GFRA2: variants seen among roughly 807,000 people sequenced by gnomAD.
GFRA2 encodes the protein GDNF family receptor alpha-2.
A neutral mutation model predicts 48.3 loss-of-function variants in GFRA2; 17 were observed. The observed-to-expected ratio is 0.35, with a 90% CI of 0.24 to 0.53. The LOEUF is 0.53. GFRA2 is among the 20% of genes least tolerant of loss of function. The pLI, the probability that GFRA2 is intolerant of heterozygous loss-of-function variation, is 0.93. For missense variants in GFRA2, 660 were observed against 637.3 expected (o/e 1.04, Z -0.38); for synonymous variants, 305 against 257.2 (o/e 1.19, Z -1.78).
At chr8:21,793,268 G>A (rs1807609037), upstream of GFRA2, among the ~76,000 whole-genome samples, 1 of 152,146 alleles carries the variant, frequency 6.6e-6, no homozygotes, top group Non-Finnish European at 1.5e-5. Flanking sequence ...AATGTTTTAG[G>A]AAGATTGATC....
chr8:21,710,434 G>A (rs745461333), intron 4 of GFRA2, among the ~76,000 whole-genome samples: 1 of 152,178 alleles, frequency 6.6e-6, no homozygotes. Context: ...GGTGGATCTC[G>A]GTCCCACACA....
At chr8:21,797,287 C>CTTTTTTTTTTTTTTTTTTTTTTTTTCT (rs1159867192) in intron 2 of GFRA2, among the ~76,000 whole-genome samples, 1 of 85,646 alleles carries the variant, frequency 1.2e-5, no homozygotes, top group African/African-American at 4.8e-5. Context: ...CCTTTCTTTG[C>CTTTTTTTTTTTTTTTTTTTTTTTTTCT]TTTTTTTTTT....
chr8:21,756,798 T>C (rs1394059034), intron 3 of GFRA2, among the ~76,000 whole-genome samples: 2 of 152,112 alleles, frequency 1.3e-5, no homozygotes, highest in Non-Finnish European at 2.9e-5. Context: ...CCCGATCCCC[T>C]GCACTGAGAG....
chr8:21,806,748 C>G (rs6988714), intron 1 of GFRA2, among the ~76,000 whole-genome samples: 23,032 of 152,168 alleles, frequency 0.15, 2,619 homozygotes, highest in East Asian at 0.36. Flanking sequence ...ATTACAGGTA[C>G]AAGCCACCAT....
At chr8:21,812,030 C>G (rs1005462945) in intron 1 of GFRA2, among the ~76,000 whole-genome samples, 2 of 152,172 alleles carry the variant, frequency 1.3e-5, no homozygotes, top group Non-Finnish European at 2.9e-5. Flanking sequence ...TCCCGCACTC[C>G]CCCCAGCCCC....
intron 4 of GFRA2, among the ~76,000 whole-genome samples, chr8:21,711,882 T>A (rs368463477): frequency 1.3e-5 from 2 of 152,272 alleles, no homozygotes; most frequent in African/African-American, 4.8e-5. Context: ...TGGTGATGAC[T>A]CTTAAAGAGC....
rs577358995 is a variant in GFRA2 at position 21,750,449 on chromosome 8, G to A, written c.794+139C>T. On this transcript the variant is annotated intron_variant, in intron 4 of 8. Coordinates refer to ENST00000524240, the MANE Select transcript of GFRA2 (RefSeq NM_001495.5). This position sits in a 1 kb window ranked among gnomAD's most constrained non-coding sequence, Gnocchi z 5.7. ...ATTCATTTTGCACATGTCCAAGTCA[G>A]TTTTACCCTTTTTGACACCCTTTCT... 4 of 601,526 alleles carry A rather than the reference G, an allele frequency of 6.6e-6. No homozygotes were observed. The African/African-American group carries it at 7.4e-5, about 11-fold the overall frequency. The allele number at this position is 601,526 out of a possible 1,614,324, so 37.3% of individuals were successfully genotyped here.
At chr8:21,744,520 T>A (rs192405804) in intron 4 of GFRA2, among the ~76,000 whole-genome samples, 4 of 140,472 alleles carry the variant, frequency 2.8e-5, no homozygotes, top group Non-Finnish European at 6.0e-5. Context: ...AACAACAGAA[T>A]CATCCTCCCA....
At chr8:21,802,224 C>T (rs1199158185) in intron 2 of GFRA2, among the ~76,000 whole-genome samples, 4 of 152,258 alleles carry the variant, frequency 2.6e-5, no homozygotes, top group Non-Finnish European at 4.4e-5. Context: ...CTAAATCTGG[C>T]TGTGCCTTGG....
At chr8:21,740,979 T>G (rs554345893) in intron 4 of GFRA2, among the ~76,000 whole-genome samples, 4 of 152,368 alleles carry the variant, frequency 2.6e-5, no homozygotes, top group African/African-American at 9.6e-5. Context: ...CACCCTGGGC[T>G]GAGTGGCCAT....
intron 4 of GFRA2, among the ~76,000 whole-genome samples, chr8:21,746,333 G>C (rs551757669): frequency 6.6e-6 from 1 of 152,316 alleles, no homozygotes; most frequent in South Asian, 2.1e-4. Context: ...GCTCGTGCCA[G>C]ACTCTTCCTA....
chr8:21,799,341 CT>C (rs1475143745), intron 2 of GFRA2, among the ~76,000 whole-genome samples: 50 of 152,138 alleles, frequency 3.3e-4, no homozygotes, highest in African/African-American at 1.1e-3. Context: ...TCTCAGCCTC[CT>C]GAGTAGCTGG....
chr8:21,760,974 T>C (rs1468750111), intron 3 of GFRA2, among the ~76,000 whole-genome samples: 1 of 152,058 alleles, frequency 6.6e-6, no homozygotes, highest in Non-Finnish European at 1.5e-5. Flanking sequence ...CACAATGAGA[T>C]GTAGAATAAA....
intron 2 of GFRA2, among the ~76,000 whole-genome samples, chr8:21,798,376 G>A (rs111663086): frequency 0.019 from 2,907 of 152,264 alleles, 81 homozygotes; most frequent in African/African-American, 0.066. Context: ...GCAAGAGAGG[G>A]AGGGAAAGAG....
rs544105816 is a variant in GFRA2 at position 21,695,335 on chromosome 8, T to G, written c.1219-818A>C. 3.9e-5 allele frequency among the ~76,000 whole-genome samples: 6 copies of G among 152,276 alleles called. No individual in the cohort carries two copies. In the South Asian group the frequency reaches 1.2e-3, roughly 32 times the overall value. On this transcript the variant is annotated intron_variant, in intron 7 of 8. Coordinates refer to ENST00000524240, the MANE Select transcript of GFRA2 (RefSeq NM_001495.5). ...GCTTCCATCCAGGATTCAAATGGCT[T>G]GTTCCCAGGGCACTTCCAGGGAAGT... is the stretch of plus-strand genomic sequence containing the variant.
At chr8:21,795,923 A>T (rs1406196368) in intron 2 of GFRA2, among the ~76,000 whole-genome samples, 1 of 152,204 alleles carries the variant, frequency 6.6e-6, no homozygotes, top group Non-Finnish European at 1.5e-5. Context: ...GTCATCTGGC[A>T]TCGTCTTTGT....
intron 4 of GFRA2, among the ~76,000 whole-genome samples, chr8:21,739,967 C>A (rs1804668917): frequency 6.6e-6 from 1 of 152,198 alleles, no homozygotes; most frequent in African/African-American, 2.4e-5. Context: ...GCAGGAGAAG[C>A]TGAGTTGGTG....
At chr8:21,756,466 T>G (rs1805574354) in intron 3 of GFRA2, among the ~76,000 whole-genome samples, 1 of 152,166 alleles carries the variant, frequency 6.6e-6, no homozygotes, top group South Asian at 2.1e-4. Context: ...GGAGGCAGCC[T>G]GCGCTGCGTT....
chr8:21,722,470 T>C (rs557053775), intron 4 of GFRA2, among the ~76,000 whole-genome samples: 1 of 152,304 alleles, frequency 6.6e-6, no homozygotes, highest in South Asian at 2.1e-4. Flanking sequence ...GAGGTTAGTG[T>C]TTCACAAAAG....
Sources: allele counts gnomAD v4.1 joint callset (sites outside exome capture counted in the v4.1 genomes callset), GRCh38; gene constraint gnomAD v4.1.1; non-coding constraint Gnocchi (gnomAD v3.1); transcripts MANE v1.5; gene names NCBI Gene and HGNC (gene_info 2026-07-23, HGNC 2026-07-21).